The following SCN2A variants were observed in gnomAD, a reference collection of about 807,000 sequenced individuals.
SCN2A encodes the protein sodium voltage-gated channel alpha subunit 2.
Under a neutral mutation model 188.7 loss-of-function variants are expected in SCN2A, and 20 were observed. The observed-to-expected ratio is 0.11, with a 90% CI of 0.07 to 0.15. The LOEUF (loss-of-function observed/expected upper bound fraction) is 0.15, where lower values mean the gene tolerates loss of function less well. Among genes scored for constraint, SCN2A ranks in the 10% least tolerant of loss-of-function variants. The pLI, the probability that SCN2A is intolerant of heterozygous loss-of-function variation, is 1.00. For missense variants in SCN2A, 1,278 were observed against 2,445.0 expected (o/e 0.52, Z 10.07); for synonymous variants, 804 against 833.1 (o/e 0.97, Z 0.60).
At chr2:165,266,190 GTCAT>G (rs1361064943) in intron 1 of SCN2A, among the ~76,000 whole-genome samples, 8 of 151,918 alleles carry the variant, frequency 5.3e-5, no homozygotes, top group Non-Finnish European at 1.2e-4. Context: ...ATGCTTATTA[GTCAT>G]TCAAACTTCA....
chr2:165,269,713 A>C (rs2106102720), intron 1 of SCN2A: 1 of 152,182 alleles, frequency 6.6e-6, no homozygotes, highest in East Asian at 1.9e-4. Flanking sequence ...CTTTATTCAA[A>C]TGGAAAAAGA....
rs753821498 is a variant in SCN2A at position 165,310,548 on chromosome 2, A to G, written c.923A>G (p.Asn308Ser). The change falls in exon 7 of 27, where the codon AAT becomes AGT. Residue 308 changes from asparagine (N) to serine (S), a missense_variant. Asn to Ser is a conservative substitution (Grantham distance 46, BLOSUM62 1). This residue lies in a region of SCN2A where 45 missense variants were observed against 58.1 expected (regional missense o/e 0.77). Coordinates refer to ENST00000375437, the MANE Select transcript of SCN2A (RefSeq NM_001040142.2). ...NSLDGNGTTF[N>S]RTVSIFNWDE... ...TTGGATGGGAATGGTACTACTTTCA[A>G]TAGGACAGTGAGCATATTTAACTGG... The G allele has an allele frequency of 6.2e-6, 10 of 1,612,734 alleles. No homozygotes were observed. Among genetic ancestry groups the G allele is most frequent in the South Asian group, 5.5e-5 (5 of 91,060 alleles).
chr2:165,340,532 T>G (rs1699254073), intron 14 of SCN2A, among the ~76,000 whole-genome samples: 1 of 152,206 alleles, frequency 6.6e-6, no homozygotes, highest in Admixed American at 6.5e-5. Flanking sequence ...GCCTGGGAGA[T>G]AGTCTTTCAA....
At chr2:165,351,573 C>CAAAA (rs11286913) in intron 16 of SCN2A, among the ~76,000 whole-genome samples, 1 of 145,436 alleles carries the variant, frequency 6.9e-6, no homozygotes, top group Non-Finnish European at 1.5e-5. Context: ...GTTAGACTTT[C>CAAAA]AAAAAAAAAA....
chr2:165,313,607 A>G lies in SCN2A; in HGVS notation c.1035-13A>G, dbSNP rs1697563708. 5.6e-6 allele frequency: 9 copies of G among 1,612,974 alleles called. No individual in the cohort carries two copies. The highest frequency in any genetic ancestry group is 2.2e-5 in the South Asian group (2 of 91,074). On this transcript the variant is annotated splice_polypyrimidine_tract_variant and intron_variant, in intron 8 of 26. Coordinates refer to ENST00000375437, the MANE Select transcript of SCN2A (RefSeq NM_001040142.2). ...GTTATTGACTTCCTTTCTTTCCTCT[A>G]ACCTAATTATAGCCAGTGTCCTGAA...
intron 4 of SCN2A, 99 bp downstream of exon 4, chr2:165,308,036 G>A: frequency 1.2e-6 from 1 of 850,164 alleles, no homozygotes; most frequent in South Asian, 1.3e-5. Context: ...AATCATGCTA[G>A]CTACTGTTAA....
At chr2:165,309,052 T>C (rs1697290288) in intron 5 of SCN2A, 9 of 1,249,664 alleles carry the variant, frequency 7.2e-6, no homozygotes, top group Non-Finnish European at 1.0e-5. Context: ...GCCATTTTCC[T>C]CTTAATTGGG....
intron 1 of SCN2A, among the ~76,000 whole-genome samples, chr2:165,248,821 A>C (rs915752998): frequency 6.6e-6 from 1 of 152,132 alleles, no homozygotes; most frequent in Non-Finnish European, 1.5e-5. Context: ...ATGTTTGTAG[A>C]ATAAAATAAT....
At chr2:165,303,432 C>A (rs928065077) in intron 3 of SCN2A, among the ~76,000 whole-genome samples, 1 of 151,912 alleles carries the variant, frequency 6.6e-6, no homozygotes, top group African/African-American at 2.4e-5. Context: ...CCCGCCACCA[C>A]GCCCGGCTGA....
chr2:165,368,028 G>A (rs986063580), intron 19 of SCN2A, among the ~76,000 whole-genome samples: 2 of 152,126 alleles, frequency 1.3e-5, no homozygotes, highest in African/African-American at 4.8e-5. Flanking sequence ...CCACACTTGT[G>A]GTACCCAAGT....
chr2:165,312,994 GT>G (rs1559355062), intron 8 of SCN2A, among the ~76,000 whole-genome samples: 1 of 151,970 alleles, frequency 6.6e-6, no homozygotes, highest in African/African-American at 2.4e-5. Flanking sequence ...TACTAAATGC[GT>G]TACATACAGT....
chr2:165,389,978 C>T lies in SCN2A; in HGVS notation c.*154C>T. 7.8e-7 allele frequency: 1 copy of T among 1,287,160 alleles called. No homozygotes were observed. The highest frequency in any genetic ancestry group is 2.8e-5 in the Admixed American group (1 of 35,658). 79.7% of individuals were successfully genotyped at this position (1,287,160 alleles called of 1,614,324 possible). On this transcript the variant is annotated 3_prime_UTR_variant, in exon 27 of 27. Transcript: ENST00000375437. This position sits in a 1 kb window ranked among gnomAD's most constrained non-coding sequence, Gnocchi z 4.2. ...GTCAGTGCCTATAACAAGACAGAGA[C>T]CTCTGGTCAGCAAACTGGAACTCAG...
chr2:165,295,992 G>A lies in SCN2A; in HGVS notation c.169G>A (p.Glu57Lys). 6.2e-7 allele frequency: 1 copy of A among 1,614,150 alleles called. No homozygotes were observed. The highest frequency in any genetic ancestry group is 2.2e-5 in the East Asian group (1 of 44,874). ...TGGCCCAAAGCCAAACAGTGACTTGGAAGCAGGAAAATCTCTTCCATTTAT... is the reference window on the plus strand; with the variant it reads ...TGGCCCAAAGCCAAACAGTGACTTGAAAGCAGGAAAATCTCTTCCATTTAT... ...ENGPKPNSDLEAGKSLPFIYG... is the reference protein window; with the variant it reads ...ENGPKPNSDLKAGKSLPFIYG... The change falls in exon 2 of 27, where the codon GAA becomes AAA. Residue 57 changes from glutamate (E) to lysine (K), a missense_variant. Around this residue, in one of 17 missense-constraint regions of SCN2A, gnomAD observed 141 missense variants for 185.4 expected, o/e 0.76. Transcript: ENST00000375437.
intron 4 of SCN2A, 79 bp from the exon 5 acceptor site, chr2:165,308,587 C>A: frequency 6.6e-7 from 1 of 1,509,042 alleles, no homozygotes; most frequent in Non-Finnish European, 9.1e-7. Flanking sequence ...TTTTTGTTTG[C>A]TGTTTATGTC....
In SCN2A at chr2:165,321,055, T is replaced by C. The variant is rs141504042; in HGVS notation, c.1672-2101T>C. The stretch of plus-strand genomic sequence containing the variant: ...TTATGAAACTGAATACCTTTAGCAG[T>C]ACCTAAGTCACCACTTGAATGCTTT... On this transcript the variant is annotated intron_variant, in intron 11 of 26. Coordinates refer to ENST00000375437, the MANE Select transcript of SCN2A (RefSeq NM_001040142.2). Among the ~76,000 whole-genome samples the C allele has an allele frequency of 8.2e-3, 1,246 of 152,314 alleles. 24 individuals are homozygous for C. Among genetic ancestry groups the C allele is most frequent in the African/African-American group, 0.028 (1,153 of 41,572 alleles).
At position 165,389,704 on chromosome 2, in the gene SCN2A, G is replaced by C. The variant is rs761947985; in HGVS notation, c.5898G>C (p.Thr1966=). The change falls in exon 27 of 27, where the codon ACG becomes ACC. Residue 1966 remains threonine, a synonymous_variant. Transcript: ENST00000375437. This position sits in a 1 kb window ranked among gnomAD's most constrained non-coding sequence, Gnocchi z 4.2. ...ENSTPEKTDM[T]PSTTSPPSYD... ...CAACTCCAGAGAAAACCGATATGACGCCTTCCACCACGTCTCCACCCTCGT... is the reference window on the plus strand; with the variant it reads ...CAACTCCAGAGAAAACCGATATGACCCCTTCCACCACGTCTCCACCCTCGT... The C allele has an allele frequency of 1.9e-6, 3 of 1,613,704 alleles. No homozygotes were observed. Among genetic ancestry groups the C allele is most frequent in the Non-Finnish European group, 2.5e-6 (3 of 1,179,932 alleles).
intron 22 of SCN2A, among the ~76,000 whole-genome samples, chr2:165,375,872 C>T (rs894604112): frequency 2.0e-5 from 3 of 151,574 alleles, no homozygotes; most frequent in African/African-American, 4.8e-5. Context: ...TAGTATTCAG[C>T]CTTTAAAGAA....
intron 15 of SCN2A, among the ~76,000 whole-genome samples, chr2:165,344,099 A>T (rs942848185): frequency 4.6e-5 from 7 of 152,142 alleles, no homozygotes; most frequent in African/African-American, 1.7e-4. Context: ...CATTAATCTG[A>T]AATATCTTAA....
chr2:165,281,226 A>G lies in SCN2A; in HGVS notation c.-51-14547A>G, dbSNP rs79634900. ...CAAGACCCTATCTCTAAAAAAATAG[A>G]TATTTTATTAGGGGAAGTTGAAGTT... On this transcript the variant is annotated intron_variant, in intron 1 of 26. Coordinates refer to ENST00000375437, the MANE Select transcript of SCN2A (RefSeq NM_001040142.2). 2.2e-4 allele frequency among the ~76,000 whole-genome samples: 33 copies of G among 152,186 alleles called. No homozygotes were observed. In the East Asian group the frequency reaches 6.2e-3, roughly 29 times the overall value.
Sources: allele counts gnomAD v4.1 joint callset (sites outside exome capture counted in the v4.1 genomes callset), GRCh38; gene constraint gnomAD v4.1.1; regional missense constraint gnomAD v4.1.1; non-coding constraint Gnocchi (gnomAD v3.1); transcripts MANE v1.5; gene names NCBI Gene and HGNC (gene_info 2026-07-23, HGNC 2026-07-21).